The following ANO5 variants were observed in gnomAD, a reference collection of about 807,000 sequenced individuals.
ANO5 encodes the protein anoctamin 5, also known as anoctamin-5.
ANO5 carries 109 observed loss-of-function variants against 121.0 expected under a neutral mutation model. The observed-to-expected ratio is 0.90, with a 90% confidence interval of 0.77 to 1.06. The LOEUF (loss-of-function observed/expected upper bound fraction) is 1.06, where lower values mean the gene tolerates loss of function less well. ANO5 is among the 50% of genes least tolerant of loss of function. The probability of loss-of-function intolerance (pLI) is 0.00; values close to 1 mark genes in which losing one functional copy is unlikely to be tolerated. For synonymous variants in ANO5, 406 were observed against 359.9 expected (o/e 1.13, Z -1.45); for missense variants, 1,064 against 1,078.5 (o/e 0.99, Z 0.19).
At position 22,252,029 on chromosome 11, in the gene ANO5, C is replaced by CAAAAAA. The variant is rs10525160; in HGVS notation, c.1180+1043_1180+1048dup. On this transcript the variant is annotated intron_variant, in intron 12 of 21. Coordinates refer to ENST00000324559, the MANE Select transcript of ANO5 (RefSeq NM_213599.3). ...TGAGAGACAGAGCAAGACGCCGTCT[C>CAAAAAA]AAAAAAAAAAAAAAAAAAAAAAAAA... 3.1e-4 allele frequency among the ~76,000 whole-genome samples: 14 copies of CAAAAAA among 45,854 alleles called. 1 individual carries two copies. The highest frequency in any genetic ancestry group is 8.7e-4 in the African/African-American group (13 of 14,920). 30.1% of individuals were successfully genotyped at this position (45,854 alleles called of 152,430 possible).
chr11:22,242,463 A>G (rs1240661469), intron 9 of ANO5, among the ~76,000 whole-genome samples: 2 of 152,146 alleles, frequency 1.3e-5, no homozygotes, highest in South Asian at 4.1e-4. Context: ...AATAACATTG[A>G]ATTTGTAAAT....
intron 9 of ANO5, among the ~76,000 whole-genome samples, chr11:22,247,360 A>G (rs536001463): frequency 1.6e-4 from 24 of 152,246 alleles, no homozygotes; most frequent in African/African-American, 4.8e-4. Flanking sequence ...ATATTGCTCA[A>G]TTTTTCTTTA....
chr11:22,259,717 A>G lies in ANO5; in HGVS notation c.1606A>G (p.Ile536Val), dbSNP rs770320815. Reference protein sequence around the residue: ...ILILNFFYEKISAWITKMEIP... With the variant: ...ILILNFFYEKVSAWITKMEIP... Reference sequence around the variant, plus strand: ...GATCTTGAATTTCTTTTATGAAAAGATATCTGCCTGGATCACAAAAATGGG... The same window carrying G: ...GATCTTGAATTTCTTTTATGAAAAGGTATCTGCCTGGATCACAAAAATGGG... Residue 536 changes from isoleucine (I) to valine (V), a missense_variant, in exon 15 of 22, where the codon ATA (isoleucine) becomes GTA (valine). Coordinates refer to ENST00000324559, the MANE Select transcript of ANO5 (RefSeq NM_213599.3). The G allele has an allele frequency of 6.2e-7, 1 of 1,613,724 alleles. No homozygotes were observed. The highest frequency in any genetic ancestry group is 2.2e-5 in the East Asian group (1 of 44,844).
intron 2 of ANO5, 32 bp downstream of exon 2, chr11:22,203,882 A>G (rs1473645828): frequency 3.0e-6 from 4 of 1,347,474 alleles, no homozygotes; most frequent in South Asian, 2.4e-5. Flanking sequence ...TAACTTCCTT[A>G]TAAGTCAGAA....
intron 13 of ANO5, among the ~76,000 whole-genome samples, chr11:22,255,936 A>G (rs1317839339): frequency 6.6e-6 from 1 of 152,202 alleles, no homozygotes; most frequent in Non-Finnish European, 1.5e-5. Context: ...ATATAAATGT[A>G]CAGACATTGA....
At position 22,250,226 on chromosome 11, in the gene ANO5, C is replaced by T. The variant is rs1564935639; in HGVS notation, c.879-11C>T. The T allele has an allele frequency of 5.7e-6, 9 of 1,567,422 alleles. No homozygotes were observed. Among genetic ancestry groups the T allele is most frequent in the Non-Finnish European group, 7.9e-6 (9 of 1,141,196 alleles). On this transcript the variant is annotated splice_polypyrimidine_tract_variant and intron_variant, in intron 9 of 21. Coordinates refer to ENST00000324559, the MANE Select transcript of ANO5 (RefSeq NM_213599.3). ...TCCATATTCTGATTCTGTTTTTACTCTTTTTCACAGGAATTATTATGGAGA... is the reference window on the plus strand; with the variant it reads ...TCCATATTCTGATTCTGTTTTTACTTTTTTTCACAGGAATTATTATGGAGA...
At chr11:22,262,889 GC>G in intron 16 of ANO5, 56 bp from the exon 17 acceptor site, 1 of 1,353,266 alleles carries the variant, frequency 7.4e-7, no homozygotes. Context: ...TTTAGGTGTT[GC>G]AAAATTCCAT....
chr11:22,211,178 A>T, intron 2 of ANO5, 86 bp from the exon 3 acceptor site: 1 of 1,364,312 alleles, frequency 7.3e-7, no homozygotes. Context: ...CATAGAGATT[A>T]CAGAGTTGTT....
rs1219753917 is a variant in ANO5 at position 22,281,265 on chromosome 11, G to A, written c.*1500G>A. ...TAAAACTAATATTTCATTATCTAAT[G>A]CTAATAAATTATTGTGGTACTGCCA... On this transcript the variant is annotated 3_prime_UTR_variant, in exon 22 of 22. Coordinates refer to ENST00000324559, the MANE Select transcript of ANO5 (RefSeq NM_213599.3). The A allele has an allele frequency of 6.6e-6, 1 of 151,960 alleles. No individual in the cohort carries two copies. Among genetic ancestry groups the A allele is most frequent in the Non-Finnish European group, 1.5e-5 (1 of 67,898 alleles). 9.4% of individuals were successfully genotyped at this position (151,960 alleles called of 1,614,324 possible).
chr11:22,268,213 GA>G (rs1854440005), intron 17 of ANO5, among the ~76,000 whole-genome samples: 1 of 151,646 alleles, frequency 6.6e-6, no homozygotes, highest in Non-Finnish European at 1.5e-5. Flanking sequence ...ATTTTACATG[GA>G]AAAATAATTT....
rs1854775146 is a variant in ANO5, at chr11:22,274,876, A to G, written c.2414+129A>G. The G allele has an allele frequency of 2.0e-5, 25 of 1,226,060 alleles. 1 individual carries two copies. The South Asian group carries it at 2.9e-4, about 14-fold the overall frequency. 75.9% of individuals were successfully genotyped at this position (1,226,060 alleles called of 1,614,324 possible). A position where few individuals can be genotyped will look rare whatever the true frequency, so the allele number is the denominator to read the frequency against. On this transcript the variant is annotated intron_variant, in intron 20 of 21. Coordinates refer to ENST00000324559, the MANE Select transcript of ANO5 (RefSeq NM_213599.3). ...GGCAACAAAAATCCTGTATAAATAA[A>G]GTGTATCCATTCTAGAATTCACACA...
rs912174567 is a variant in ANO5 at position 22,270,376 on chromosome 11, T to C, written c.1963T>C (p.Trp655Arg). Residue 655 changes from tryptophan to arginine, a missense_variant, in exon 18 of 22, where the codon TGG (tryptophan) becomes CGG (arginine). By Grantham distance (101) the Trp-to-Arg change is moderately radical. Transcript: ENST00000324559. Reference protein sequence around the residue: ...RTNSEKLYSRWEQDHDLESFG... With the variant: ...RTNSEKLYSRREQDHDLESFG... Reference sequence around the variant, plus strand: ...AAACTCTGAGAAGCTGTATAGTCGATGGGAGCAGGATCATGACCTTGAAAG... The same window carrying C: ...AAACTCTGAGAAGCTGTATAGTCGACGGGAGCAGGATCATGACCTTGAAAG... The C allele has an allele frequency of 6.2e-6, 10 of 1,614,046 alleles. No homozygotes were observed. Among genetic ancestry groups the C allele is most frequent in the Non-Finnish European group, 8.5e-6 (10 of 1,180,018 alleles).
chr11:22,279,315 A>G lies in ANO5; in HGVS notation c.2521-229A>G, dbSNP rs1025978923. The stretch of plus-strand genomic sequence containing the variant: ...GGAGCAGTGATAAAGAGTATATTCA[A>G]TAATCATGTTCAACTGGAATATTGC... On this transcript the variant is annotated intron_variant, in intron 21 of 21. Coordinates refer to ENST00000324559, the MANE Select transcript of ANO5 (RefSeq NM_213599.3). 3.0e-4 allele frequency among the ~76,000 whole-genome samples: 45 copies of G among 151,876 alleles called. 1 individual carries two copies. The highest frequency in any genetic ancestry group is 1.2e-4 in the Non-Finnish European group (8 of 67,802).
In ANO5 at chr11:22,280,109, G is replaced by T; in HGVS notation, c.*344G>T. The T allele has an allele frequency of 4.3e-6, 1 of 229,988 alleles. No homozygotes were observed. Among genetic ancestry groups the T allele is most frequent in the South Asian group, 7.3e-5 (1 of 13,670 alleles). The allele number at this position is 229,988 out of a possible 1,614,324, so 14.2% of individuals were successfully genotyped here. A position where few individuals can be genotyped will look rare whatever the true frequency, so the allele number is the denominator to read the frequency against. ...TTGGGCTGTCCCATCACTTTCCAGTGCATCTATTTATTTTTGTGGTCTTCT... is the reference window on the plus strand; with the variant it reads ...TTGGGCTGTCCCATCACTTTCCAGTTCATCTATTTATTTTTGTGGTCTTCT... On this transcript the variant is annotated 3_prime_UTR_variant, in exon 22 of 22. Transcript: ENST00000324559.
Position 22,236,293 on chromosome 11 carries a change from T to C in ANO5, c.762+17T>C, listed in dbSNP as rs1853218088. ...CTCCATGATGTATGTATAGGTTTGA[T>C]TGTGAAAATCTGAGCTTATTTTCCT... On this transcript the variant is annotated intron_variant, in intron 8 of 21. Coordinates refer to ENST00000324559, the MANE Select transcript of ANO5 (RefSeq NM_213599.3). The C allele has an allele frequency of 1.9e-6, 3 of 1,580,728 alleles. No homozygotes were observed. Among genetic ancestry groups the C allele is most frequent in the African/African-American group, 1.3e-5 (1 of 74,152 alleles).
At chr11:22,256,074 G>C (rs1259963754) in intron 13 of ANO5, among the ~76,000 whole-genome samples, 1 of 152,220 alleles carries the variant, frequency 6.6e-6, no homozygotes, top group South Asian at 2.1e-4. Flanking sequence ...CATTGTATTT[G>C]TGTATGGGGG....
chr11:22,252,585 C>T (rs1242814949), intron 12 of ANO5, among the ~76,000 whole-genome samples: 2 of 152,020 alleles, frequency 1.3e-5, no homozygotes, highest in African/African-American at 2.4e-5. Flanking sequence ...ATAATAAGCA[C>T]AGTAATCCTT....
intron 7 of ANO5, among the ~76,000 whole-genome samples, chr11:22,234,513 C>T (rs1328683190): frequency 6.6e-6 from 1 of 152,058 alleles, no homozygotes; most frequent in African/African-American, 2.4e-5. Flanking sequence ...ACTGATGTGT[C>T]CTTCTTAGTC....
At chr11:22,250,514 C>A (rs1348836459) in intron 10 of ANO5, 143 bp downstream of exon 10, 3 of 1,235,910 alleles carry the variant, frequency 2.4e-6, no homozygotes, top group Non-Finnish European at 3.4e-6. Context: ...ACTACTCAAA[C>A]ATAACAGTTG....
Sources: gnomAD v4.1 joint callset for allele counts (sites outside exome capture counted in the v4.1 genomes callset) on GRCh38, gnomAD v4.1.1 for gene constraint, MANE v1.5 for transcripts, NCBI Gene and HGNC (gene_info 2026-07-23, HGNC 2026-07-21) for gene names.